The following PRKN variants were observed in gnomAD, a reference collection of about 807,000 sequenced individuals.
PRKN encodes the protein E3 ubiquitin-protein ligase parkin.
Under a neutral mutation model 59.5 loss-of-function variants are expected in PRKN, and 56 were observed. That is an observed-to-expected ratio of 0.94 (90% CI 0.76 to 1.18). The LOEUF (loss-of-function observed/expected upper bound fraction) is 1.18, where lower values mean the gene tolerates loss of function less well. Ranked by LOEUF, PRKN falls within the 50% of genes most tolerant of loss-of-function variation. The probability of loss-of-function intolerance (pLI) is 0.00; values close to 1 mark genes in which losing one functional copy is unlikely to be tolerated. For missense variants in PRKN, 657 were observed against 596.4 expected (o/e 1.10, Z -1.06); for synonymous variants, 250 against 222.1 (o/e 1.13, Z -1.12).
At chr6:162,498,204 CTGG>C (rs1793159604) in intron 1 of PRKN, among the ~76,000 whole-genome samples, 1 of 152,018 alleles carries the variant, frequency 6.6e-6, no homozygotes, top group Admixed American at 6.6e-5. Flanking sequence ...TTGACTCTAC[CTGG>C]TGTTCAGTCT....
rs111779686 is a variant in PRKN at position 162,147,563 on chromosome 6, C to T, written c.534+53568G>A. Among the ~76,000 whole-genome samples, 688 of 152,186 alleles carry T rather than the reference C, an allele frequency of 4.5e-3. 6 individuals are homozygous for T. Among genetic ancestry groups the T allele is most frequent in the African/African-American group, 0.016 (660 of 41,526 alleles). ...ATCCAGCCTAGTGAGTTCTTCTCAG[C>T]ATTCTGGACACCCTACTAAATATGA... On this transcript the variant is annotated intron_variant, in intron 4 of 11. Coordinates refer to ENST00000366898, the MANE Select transcript of PRKN (RefSeq NM_004562.3).
chr6:161,631,389 TC>T (rs1355456378), intron 7 of PRKN, among the ~76,000 whole-genome samples: 1 of 152,214 alleles, frequency 6.6e-6, no homozygotes, highest in East Asian at 1.9e-4. Context: ...CACAAGTAGC[TC>T]AGTCAGACTG....
At chr6:162,146,611 T>A (rs959173373) in intron 4 of PRKN, among the ~76,000 whole-genome samples, 1 of 151,956 alleles carries the variant, frequency 6.6e-6, no homozygotes, top group African/African-American at 2.4e-5. Context: ...TTCAAGTGAT[T>A]CTCCCATCTC....
At chr6:162,569,480 C>A (rs1780220862) in intron 1 of PRKN, 14 of 689,312 alleles carry the variant, frequency 2.0e-5, no homozygotes, top group Non-Finnish European at 3.0e-5. Context: ...GGAGAGCCAC[C>A]TGGAGTCTGG....
At chr6:162,465,228 G>A (rs1349402636) in intron 1 of PRKN, among the ~76,000 whole-genome samples, 1 of 152,172 alleles carries the variant, frequency 6.6e-6, no homozygotes, top group Admixed American at 6.5e-5. Context: ...TAGGAAGGCG[G>A]TTAGCTTATC....
chr6:162,136,857 G>C (rs1281544534), intron 4 of PRKN, among the ~76,000 whole-genome samples: 1 of 151,776 alleles, frequency 6.6e-6, no homozygotes, highest in Non-Finnish European at 1.5e-5. Flanking sequence ...ATGTAGAGGA[G>C]GCCACTTCAT....
intron 1 of PRKN, among the ~76,000 whole-genome samples, chr6:162,698,281 T>C (rs1163307530): frequency 8.0e-6 from 1 of 124,560 alleles, no homozygotes; most frequent in Non-Finnish European, 1.7e-5. Context: ...TGTGCCTAGA[T>C]TTTAACCACT....
intron 1 of PRKN, among the ~76,000 whole-genome samples, chr6:162,483,612 T>C (rs928235477): frequency 2.0e-5 from 3 of 151,878 alleles, no homozygotes; most frequent in Non-Finnish European, 1.5e-5. Context: ...ATTTTAAATA[T>C]GTGATAACAC....
chr6:161,971,296 T>C (rs2128251295), intron 6 of PRKN, among the ~76,000 whole-genome samples: 1 of 152,312 alleles, frequency 6.6e-6, no homozygotes, highest in Admixed American at 6.5e-5. Context: ...GCAACGCTCT[T>C]AGTAAGATAA....
intron 5 of PRKN, among the ~76,000 whole-genome samples, chr6:162,050,094 C>T (rs1777571099): frequency 6.6e-6 from 1 of 152,158 alleles, no homozygotes; most frequent in Non-Finnish European, 1.5e-5. Context: ...CAAAAGTCTC[C>T]TTTTCCTGGG....
At chr6:161,398,571 T>C (rs899331251) in intron 9 of PRKN, among the ~76,000 whole-genome samples, 11 of 152,206 alleles carry the variant, frequency 7.2e-5, no homozygotes, top group African/African-American at 2.7e-4. Flanking sequence ...TCAGAATGTA[T>C]GCTGTGCATT....
At chr6:162,245,501 T>C (rs1296741104) in intron 3 of PRKN, among the ~76,000 whole-genome samples, 1 of 151,654 alleles carries the variant, frequency 6.6e-6, no homozygotes, top group African/African-American at 2.4e-5. Context: ...TCTAATATAA[T>C]ATCTAATATA....
intron 2 of PRKN, among the ~76,000 whole-genome samples, chr6:162,364,955 T>A (rs1396559585): frequency 6.6e-5 from 10 of 150,412 alleles, no homozygotes; most frequent in African/African-American, 2.5e-4. Flanking sequence ...TAGAAATCTC[T>A]CTTCTCCCTC....
At chr6:161,843,796 AATTCATTC>A (rs1562331928) in intron 6 of PRKN, among the ~76,000 whole-genome samples, 1 of 152,172 alleles carries the variant, frequency 6.6e-6, no homozygotes, top group African/African-American at 2.4e-5. Context: ...TCTCTAAATA[AATTCATTC>A]ATTCATTCAT....
At chr6:162,012,935 C>T (rs1782791046) in intron 5 of PRKN, among the ~76,000 whole-genome samples, 1 of 152,142 alleles carries the variant, frequency 6.6e-6, no homozygotes, top group Non-Finnish European at 1.5e-5. Context: ...GGTTTCTCCA[C>T]TGTTAAGGTT....
intron 4 of PRKN, among the ~76,000 whole-genome samples, chr6:162,182,966 C>CT (rs1022888914): frequency 2.0e-5 from 3 of 151,832 alleles, no homozygotes; most frequent in Non-Finnish European, 2.9e-5. Flanking sequence ...TTTCTGACAC[C>CT]TTTTTTTCTT....
At chr6:162,216,248 C>G (rs1365808326) in intron 3 of PRKN, among the ~76,000 whole-genome samples, 1 of 151,654 alleles carries the variant, frequency 6.6e-6, no homozygotes, top group African/African-American at 2.4e-5. Context: ...ACCCAGTTTG[C>G]GGCCGGGCGC....
intron 1 of PRKN, among the ~76,000 whole-genome samples, chr6:162,517,242 C>A (rs1244039368): frequency 6.6e-6 from 1 of 150,956 alleles, no homozygotes; most frequent in African/African-American, 2.4e-5. Context: ...TGGGGTAGAA[C>A]CCAGGCATTT....
intron 1 of PRKN, among the ~76,000 whole-genome samples, chr6:162,559,923 C>G (rs9295194): frequency 0.31 from 46,919 of 152,060 alleles, 7,697 homozygotes; most frequent in East Asian, 0.5. Flanking sequence ...AAACTAGTGC[C>G]ACCTAATCTG....
Sources: allele counts gnomAD v4.1 joint callset (sites outside exome capture counted in the v4.1 genomes callset), GRCh38; gene constraint gnomAD v4.1.1; transcripts MANE v1.5; gene names NCBI Gene and HGNC (gene_info 2026-07-23, HGNC 2026-07-21).